ASCC3: variants seen among roughly 807,000 people sequenced by gnomAD.
ASCC3 encodes activating signal cointegrator 1 complex subunit 3.
A neutral mutation model predicts 256.3 loss-of-function variants in ASCC3; 158 were observed. That is an observed-to-expected ratio of 0.62 (90% confidence interval 0.54 to 0.70). The LOEUF (loss-of-function observed/expected upper bound fraction) is 0.70, where lower values mean the gene tolerates loss of function less well. Ranked by LOEUF, ASCC3 falls within the 30% of genes least tolerant of loss-of-function variation. The pLI, the probability that ASCC3 is intolerant of heterozygous loss-of-function variation, is 0.00. For synonymous variants in ASCC3, 948 were observed against 883.4 expected (o/e 1.07, Z -1.30); for missense variants, 2,259 against 2,626.0 (o/e 0.86, Z 3.05).
At chr6:100,776,139 T>C (rs963742548) in intron 8 of ASCC3, among the ~76,000 whole-genome samples, 1 of 152,116 alleles carries the variant, frequency 6.6e-6, no homozygotes, top group African/African-American at 2.4e-5. Context: ...ATGCAGCTAA[T>C]AATCTTTGCT....
intron 34 of ASCC3, among the ~76,000 whole-genome samples, chr6:100,593,556 C>T (rs965755953): frequency 3.9e-5 from 6 of 151,920 alleles, no homozygotes; most frequent in Admixed American, 1.3e-4. Flanking sequence ...AAAGTTACAC[C>T]AAACGGTTTG....
chr6:100,823,080 T>G (rs758221269), intron 4 of ASCC3, among the ~76,000 whole-genome samples: 2 of 152,200 alleles, frequency 1.3e-5, no homozygotes, highest in African/African-American at 4.8e-5. Flanking sequence ...TGCTTTGCTC[T>G]TAATAGGATT....
At chr6:100,720,718 G>A (rs1779287080) in intron 11 of ASCC3, among the ~76,000 whole-genome samples, 1 of 151,322 alleles carries the variant, frequency 6.6e-6, no homozygotes, top group Non-Finnish European at 1.5e-5. Flanking sequence ...CAAACAGCAA[G>A]TCAGCAAAGG....
At chr6:100,584,735 C>T (rs1206741896) in intron 36 of ASCC3, among the ~76,000 whole-genome samples, 1 of 151,934 alleles carries the variant, frequency 6.6e-6, no homozygotes, top group Non-Finnish European at 1.5e-5. Flanking sequence ...TTTTTCCTTT[C>T]CATATTTAGT....
chr6:100,509,670 G>A, intron 41 of ASCC3, 137 bp from the exon 42 acceptor site: 1 of 909,972 alleles, frequency 1.1e-6, no homozygotes, highest in East Asian at 2.7e-5. Flanking sequence ...GGAGGCCGAG[G>A]CGGGCGGATC....
intron 11 of ASCC3, among the ~76,000 whole-genome samples, chr6:100,724,249 G>A (rs1209166513): frequency 6.6e-6 from 1 of 150,990 alleles, no homozygotes; most frequent in East Asian, 1.9e-4. Flanking sequence ...GAAACAATGA[G>A]TAGTATTAAG....
At chr6:100,820,882 T>G (rs999892916) in intron 4 of ASCC3, among the ~76,000 whole-genome samples, 3 of 152,148 alleles carry the variant, frequency 2.0e-5, no homozygotes, top group African/African-American at 7.2e-5. Flanking sequence ...AAACTCAACA[T>G]TAGTCATCAG....
At chr6:100,758,391 C>T (rs574283560) in intron 10 of ASCC3, among the ~76,000 whole-genome samples, 77 of 152,190 alleles carry the variant, frequency 5.1e-4, no homozygotes, top group Admixed American at 2.9e-3. Flanking sequence ...CCCAATAGGT[C>T]CTGGTGTGTG....
intron 8 of ASCC3, among the ~76,000 whole-genome samples, chr6:100,771,786 T>TGAG (rs58554816): frequency 0.55 from 82,775 of 151,064 alleles, 23,032 homozygotes; most frequent in South Asian, 0.75. Flanking sequence ...CAAGTATTGT[T>TGAG]GATGTAGAGA....
chr6:100,598,437 A>G (rs1177786197), intron 34 of ASCC3, among the ~76,000 whole-genome samples: 1 of 152,158 alleles, frequency 6.6e-6, no homozygotes, highest in Non-Finnish European at 1.5e-5. Flanking sequence ...ATACCCAAGA[A>G]TACTCTGGAT....
At chr6:100,585,717 A>C (rs1416550827) in intron 36 of ASCC3, among the ~76,000 whole-genome samples, 2 of 151,810 alleles carry the variant, frequency 1.3e-5, no homozygotes, top group African/African-American at 4.8e-5. Flanking sequence ...GGTTTTATCT[A>C]CTTTTGGTCT....
At chr6:100,742,959 G>T (rs574925626) in intron 10 of ASCC3, among the ~76,000 whole-genome samples, 17 of 152,132 alleles carry the variant, frequency 1.1e-4, no homozygotes, top group African/African-American at 4.1e-4. Flanking sequence ...GACCTCTCTC[G>T]CCTTGCCAGG....
chr6:100,625,168 T>C (rs777031029), intron 30 of ASCC3, 24 bp downstream of exon 30: 10 of 1,611,166 alleles, frequency 6.2e-6, no homozygotes, highest in Non-Finnish European at 8.5e-6. Context: ...GTGTAAGTAG[T>C]AGAAGATAAA....
chr6:100,697,534 T>C (rs1419656523), intron 13 of ASCC3, among the ~76,000 whole-genome samples: 1 of 138,670 alleles, frequency 7.2e-6, no homozygotes, highest in Non-Finnish European at 1.6e-5. Context: ...CATTCAACAA[T>C]GTAACTGTAT....
At chr6:100,867,758 A>G (rs1214605628) in intron 2 of ASCC3, 150 bp downstream of exon 2, 8 of 680,396 alleles carry the variant, frequency 1.2e-5, no homozygotes, top group Non-Finnish European at 1.8e-5. Context: ...CATAGTAAAC[A>G]GCAGCATACA....
Position 100,725,539 on chromosome 6 carries a change from C to G in ASCC3, c.1902G>C (p.Gln634His). The G allele has an allele frequency of 6.2e-7, 1 of 1,612,040 alleles. No homozygotes were observed. The highest frequency in any genetic ancestry group is 1.3e-5 in the African/African-American group (1 of 74,940). ...LESIVARTLRQVESTQSMIRI... is the reference protein window; with the variant it reads ...LESIVARTLRHVESTQSMIRI... ...AAGCTTATACATAACTTCCTCTTAC[C>G]TGCCGTAAAGTACGGGCAACTATGC... The change falls in exon 11 of 42, where the codon CAG (glutamine) becomes CAC (histidine). Residue 634 changes from glutamine to histidine, a missense_variant and splice_region_variant. Gln to His is a conservative substitution (Grantham distance 24). This residue lies in a region of ASCC3 where 1,839 missense variants were observed against 2,206.7 expected (regional missense o/e 0.83). Coordinates refer to ENST00000369162, the MANE Select transcript of ASCC3 (RefSeq NM_006828.4).
At chr6:100,719,506 A>G (rs1779225186) in intron 11 of ASCC3, among the ~76,000 whole-genome samples, 1 of 152,090 alleles carries the variant, frequency 6.6e-6, no homozygotes, top group Non-Finnish European at 1.5e-5. Flanking sequence ...TTGATGTTAA[A>G]GACACAATAC....
At chr6:100,838,805 A>T (rs892505734) in intron 4 of ASCC3, among the ~76,000 whole-genome samples, 4 of 152,054 alleles carry the variant, frequency 2.6e-5, no homozygotes, top group Non-Finnish European at 5.9e-5. Context: ...TCTGATATTA[A>T]TTGTCTCAGA....
At chr6:100,585,536 T>C (rs999015999) in intron 36 of ASCC3, among the ~76,000 whole-genome samples, 1 of 152,236 alleles carries the variant, frequency 6.6e-6, no homozygotes, top group Non-Finnish European at 1.5e-5. Context: ...TTTCCTCCTG[T>C]AGCTCAGAAT....
Sources: allele counts gnomAD v4.1 joint callset (sites outside exome capture counted in the v4.1 genomes callset), GRCh38; gene constraint gnomAD v4.1.1; regional missense constraint gnomAD v4.1.1; transcripts MANE v1.5; gene names NCBI Gene and HGNC (gene_info 2026-07-23, HGNC 2026-07-21).